Variants in PRKAG2 observed in about 807,000 individuals in gnomAD.
PRKAG2 encodes 5'-AMP-activated protein kinase subunit gamma-2.
PRKAG2 carries 26 observed loss-of-function variants against 69.6 expected under a neutral mutation model. That is an observed-to-expected ratio of 0.37 (90% CI 0.27 to 0.52). The LOEUF (loss-of-function observed/expected upper bound fraction) is 0.52, where lower values mean the gene tolerates loss of function less well. PRKAG2 is among the 20% of genes least tolerant of loss of function. The pLI is 0.90. For missense variants in PRKAG2, 557 were observed against 740.0 expected (o/e 0.75, Z 2.87); for synonymous variants, 293 against 285.0 (o/e 1.03, Z -0.28).
In PRKAG2 at chr7:151,638,410, G is replaced by C. The variant is rs1352720387; in HGVS notation, c.685-6272C>G. Reference sequence around the variant, plus strand: ...AGCACTTTGGGAGGCCGAGGCGGGCGGATCACAAGGTCAGGAGATCGAGAC... The same window carrying C: ...AGCACTTTGGGAGGCCGAGGCGGGCCGATCACAAGGTCAGGAGATCGAGAC... On this transcript the variant is annotated intron_variant, in intron 4 of 15. Transcript: ENST00000287878. The surrounding 1 kb of genome is among the most constrained non-coding windows in gnomAD (Gnocchi z 4.3). Among the ~76,000 whole-genome samples, 1 of 152,130 alleles carries C rather than the reference G, an allele frequency of 6.6e-6. No homozygotes were observed. The highest frequency in any genetic ancestry group is 1.5e-5 in the Non-Finnish European group (1 of 68,028).
In PRKAG2 at chr7:151,632,460, G is replaced by T; in HGVS notation, c.685-322C>A. The T allele has an allele frequency of 1.5e-6, 1 of 687,544 alleles. No individual in the cohort carries two copies. The highest frequency in any genetic ancestry group is 1.8e-6 in the Non-Finnish European group (1 of 558,502). The allele number at this position is 687,544 out of a possible 1,614,324, so 42.6% of individuals were successfully genotyped here. A position where few individuals can be genotyped will look rare whatever the true frequency, so the allele number is the denominator to read the frequency against. ...GGGACCCGGGAGCTCGAGGGCGGCAGCGCCTGGGCCCGGGGCGCCCCCCTC... is the reference window on the plus strand; with the variant it reads ...GGGACCCGGGAGCTCGAGGGCGGCATCGCCTGGGCCCGGGGCGCCCCCCTC... On this transcript the variant is annotated intron_variant, in intron 4 of 15. Transcript: ENST00000287878. This position sits in a 1 kb window ranked among gnomAD's most constrained non-coding sequence, Gnocchi z 4.2.
intron 3 of PRKAG2, among the ~76,000 whole-genome samples, chr7:151,682,492 C>A (rs968184171): frequency 6.6e-6 from 1 of 152,224 alleles, no homozygotes; most frequent in African/African-American, 2.4e-5. Flanking sequence ...CCTGCCTCAG[C>A]CTCCCAAAGT....
At position 151,876,768 on chromosome 7, in the gene PRKAG2, G is replaced by T; in HGVS notation, c.-148C>A. 1 of 801,152 alleles carries T rather than the reference G, an allele frequency of 1.2e-6. No homozygotes were observed. Among genetic ancestry groups the T allele is most frequent in the Non-Finnish European group, 2.1e-6 (1 of 485,666 alleles). 49.6% of individuals were successfully genotyped at this position (801,152 alleles called of 1,614,324 possible). On this transcript the variant is annotated 5_prime_UTR_variant, in exon 1 of 16. Coordinates refer to ENST00000287878, the MANE Select transcript of PRKAG2 (RefSeq NM_016203.4). ...GGACTTCCGCGGAGAGGGAGGGTGA[G>T]CAGGGAACTCGCGCGGCCGCCGCCG...
At chr7:151,787,773 G>A (rs1241349683) in intron 1 of PRKAG2, among the ~76,000 whole-genome samples, 3 of 152,112 alleles carry the variant, frequency 2.0e-5, no homozygotes, top group African/African-American at 4.8e-5. Flanking sequence ...CTTTAAGCAG[G>A]CAATTAATTT....
At chr7:151,573,944 A>G (rs1381855525) in intron 8 of PRKAG2, among the ~76,000 whole-genome samples, 1 of 151,796 alleles carries the variant, frequency 6.6e-6, no homozygotes, top group Non-Finnish European at 1.5e-5. Context: ...ACACCCAGCT[A>G]ATTTTTGTAT....
chr7:151,559,615 G>A (rs2150967477), intron 15 of PRKAG2: 1 of 985,284 alleles, frequency 1.0e-6, no homozygotes, highest in South Asian at 4.7e-5. Flanking sequence ...TGCAGGTGGT[G>A]AAGATTCCTT....
chr7:151,763,926 A>G (rs1389123241), intron 3 of PRKAG2, among the ~76,000 whole-genome samples: 2 of 152,242 alleles, frequency 1.3e-5, no homozygotes, highest in African/African-American at 4.8e-5. Flanking sequence ...AGCTCTGGAC[A>G]GAACATGCAG....
intron 1 of PRKAG2, among the ~76,000 whole-genome samples, chr7:151,790,195 C>T (rs1047690771): frequency 1.5e-4 from 23 of 152,166 alleles, no homozygotes; most frequent in Non-Finnish European, 2.6e-4. Flanking sequence ...ACCAAACACC[C>T]CAAGCCCTTT....
intron 5 of PRKAG2, among the ~76,000 whole-genome samples, chr7:151,626,373 T>C (rs1169179668): frequency 6.6e-6 from 1 of 152,166 alleles, no homozygotes; most frequent in Non-Finnish European, 1.5e-5. Context: ...CCCTACAGAA[T>C]AGGGCAATAT....
At chr7:151,715,946 C>A (rs978281983) in intron 3 of PRKAG2, among the ~76,000 whole-genome samples, 6 of 152,086 alleles carry the variant, frequency 3.9e-5, no homozygotes, top group African/African-American at 1.2e-4. Flanking sequence ...TCGAGAGGCA[C>A]TTTTATATAT....
At chr7:151,563,127 G>A (rs1039871696) in intron 14 of PRKAG2, among the ~76,000 whole-genome samples, 4 of 152,054 alleles carry the variant, frequency 2.6e-5, no homozygotes, top group African/African-American at 9.7e-5. Context: ...TTTGTTGGAG[G>A]TACCTAAAAG....
chr7:151,761,194 G>A (rs902001170), intron 3 of PRKAG2, among the ~76,000 whole-genome samples: 2 of 152,154 alleles, frequency 1.3e-5, no homozygotes, highest in African/African-American at 4.8e-5. Flanking sequence ...ACTACATACA[G>A]TTTAAAGCAA....
chr7:151,677,735 G>A (rs1477630330), intron 3 of PRKAG2, among the ~76,000 whole-genome samples: 3 of 152,166 alleles, frequency 2.0e-5, no homozygotes, highest in East Asian at 1.9e-4. Flanking sequence ...TGTTCCAACC[G>A]TGTTCAAGTA....
Position 151,782,293 on chromosome 7 carries a change from AAAGAAAGGAAGGAAGGAAGG to A in PRKAG2, c.187-882_187-863del, listed in dbSNP as rs1280466495. On this transcript the variant is annotated intron_variant, in intron 2 of 15. Transcript: ENST00000287878. ...ACGAGACTCCATTTCAAGAGAAAGG[AAAGAAAGGAAGGAAGGAAGG>A]AAGGAAGGAAGGAAGGAAGGAAGGA... 2.3e-3 allele frequency among the ~76,000 whole-genome samples: 217 copies of A among 94,768 alleles called. 2 individuals carry two copies. Among genetic ancestry groups the A allele is most frequent in the African/African-American group, 4.7e-3 (107 of 22,626 alleles). The allele number at this position is 94,768 out of a possible 152,430, so 62.2% of individuals were successfully genotyped here. A position where few individuals can be genotyped will look rare whatever the true frequency, so the allele number is the denominator to read the frequency against.
chr7:151,672,761 G>C (rs1832270034), intron 4 of PRKAG2, among the ~76,000 whole-genome samples: 2 of 151,982 alleles, frequency 1.3e-5, no homozygotes, highest in African/African-American at 4.8e-5. Context: ...CACCACATTT[G>C]TTTATCCATT....
At chr7:151,626,572 G>A (rs1822967500) in intron 5 of PRKAG2, among the ~76,000 whole-genome samples, 1 of 152,130 alleles carries the variant, frequency 6.6e-6, no homozygotes, top group African/African-American at 2.4e-5. Context: ...TGATCGACAA[G>A]TACCAGACTG....
intron 3 of PRKAG2, among the ~76,000 whole-genome samples, chr7:151,746,470 T>C (rs2074290157): frequency 6.6e-6 from 1 of 152,154 alleles, no homozygotes; most frequent in Non-Finnish European, 1.5e-5. Context: ...CTTCCACATT[T>C]CTCCCATAAG....
intron 4 of PRKAG2, among the ~76,000 whole-genome samples, chr7:151,639,919 TTATC>T (rs1394567725): frequency 2.6e-5 from 4 of 152,196 alleles, no homozygotes; most frequent in Non-Finnish European, 5.9e-5. Context: ...CAATCATCTA[TTATC>T]TATCTACCTA....
chr7:151,806,940 T>TG (rs1184039197), intron 1 of PRKAG2: 1 of 450,714 alleles, frequency 2.2e-6, no homozygotes, highest in Non-Finnish European at 4.4e-6. Context: ...CACTCCAGCC[T>TG]GGGGAAAAAA....
Sources: gnomAD v4.1 joint callset for allele counts (sites outside exome capture counted in the v4.1 genomes callset) on GRCh38, gnomAD v4.1.1 for gene constraint, Gnocchi (gnomAD v3.1) non-coding constraint, MANE v1.5 for transcripts, NCBI Gene and HGNC (gene_info 2026-07-23, HGNC 2026-07-21) for gene names.